Variants in TIAM2 observed in about 807,000 individuals in gnomAD.
The protein encoded by TIAM2 is rho guanine nucleotide exchange factor TIAM2.
TIAM2 carries 80 observed loss-of-function variants against 152.9 expected under a neutral mutation model. The observed-to-expected ratio is 0.52, with a 90% CI of 0.44 to 0.63. The LOEUF (loss-of-function observed/expected upper bound fraction) is 0.63. Among genes scored for constraint, TIAM2 ranks in the 30% least tolerant of loss-of-function variants. The probability of loss-of-function intolerance (pLI) is 0.00; values close to 1 mark genes in which losing one functional copy is unlikely to be tolerated. For synonymous variants in TIAM2, 804 were observed against 838.0 expected (o/e 0.96, Z 0.70); for missense variants, 1,965 against 2,120.1 (o/e 0.93, Z 1.44).
intron 7 of TIAM2, among the ~76,000 whole-genome samples, chr6:155,161,201 G>A (rs1335857590): frequency 2.2e-5 from 3 of 139,442 alleles, no homozygotes; most frequent in East Asian, 2.2e-4. Flanking sequence ...GATCTGAGCC[G>A]GGGTATCGGG....
intron 1 of TIAM2, among the ~76,000 whole-genome samples, chr6:155,057,017 C>CTTTTTTTTTTTTTTTTTTTTTTTTTTTT (rs71023612): frequency 2.3e-5 from 1 of 43,870 alleles, no homozygotes; most frequent in Non-Finnish European, 4.3e-5. Context: ...AGTTTTCTTT[C>CTTTTTTTTTTTTTTTTTTTTTTTTTTTT]TTTTTTTTTT....
chr6:155,059,323 T>C (rs910251414), intron 1 of TIAM2, among the ~76,000 whole-genome samples: 7 of 137,440 alleles, frequency 5.1e-5, no homozygotes, highest in African/African-American at 8.0e-5. Flanking sequence ...TGTGTGTGTG[T>C]GTGCGCGTGT....
intron 15 of TIAM2, among the ~76,000 whole-genome samples, chr6:155,217,300 T>A (rs557824495): frequency 6.6e-6 from 1 of 152,348 alleles, no homozygotes; most frequent in South Asian, 2.1e-4. Flanking sequence ...TAAGAGAACT[T>A]CTTTTGGATA....
At chr6:155,000,529 CAAAAA>C (rs58867200) in intron 1 of TIAM2, among the ~76,000 whole-genome samples, 3 of 97,744 alleles carry the variant, frequency 3.1e-5, no homozygotes, top group Non-Finnish European at 3.9e-5. Context: ...GAAACTGTTG[CAAAAA>C]AAAAAAAAAA....
Position 155,028,655 on chromosome 6 carries a change from TAATA to T in TIAM2, c.-209+33164_-209+33167del, listed in dbSNP as rs1562294495. On this transcript the variant is annotated intron_variant, in intron 1 of 26. Coordinates refer to ENST00000682666, the MANE Select transcript of TIAM2 (RefSeq NM_012454.4). ...TACTGTGTTATATATATACTACATA[TAATA>T]TATATACTGTGTTATATATATACTA... Among the ~76,000 whole-genome samples the T allele has an allele frequency of 2.3e-5, 3 of 132,932 alleles. 1 individual carries two copies. Among genetic ancestry groups the T allele is most frequent in the African/African-American group, 8.5e-5 (3 of 35,374 alleles). The allele number at this position is 132,932 out of a possible 152,430, so 87.2% of individuals were successfully genotyped here.
chr6:155,038,953 C>CTTTTT (rs33971396), intron 1 of TIAM2, among the ~76,000 whole-genome samples: 1 of 64,146 alleles, frequency 1.6e-5, no homozygotes, highest in Non-Finnish European at 2.7e-5. Flanking sequence ...TGAGCATGTC[C>CTTTTT]TTTTTTTTTT....
rs539238154 is a variant in TIAM2, at chr6:155,176,422, C to T, written c.2362-394C>T. On this transcript the variant is annotated intron_variant, in intron 9 of 26. Coordinates refer to ENST00000682666, the MANE Select transcript of TIAM2 (RefSeq NM_012454.4). ...CTAATTTTTGTATTTTTAGTAGAGA[C>T]GCTGTTTCACCATGTTGGCCAGGCT... Among the ~76,000 whole-genome samples the T allele has an allele frequency of 2.2e-4, 33 of 152,246 alleles. No individual in the cohort carries two copies. The East Asian group carries it at 5.4e-3, about 25-fold the overall frequency.
At chr6:155,057,541 C>CT (rs71023613) in intron 1 of TIAM2, among the ~76,000 whole-genome samples, 1,151 of 79,996 alleles carry the variant, frequency 0.014, 83 homozygotes, top group Non-Finnish European at 0.016. Context: ...CCATAATGTA[C>CT]TTTTTTTTTT....
chr6:155,059,546 C>A (rs1777530511), intron 1 of TIAM2, among the ~76,000 whole-genome samples: 1 of 152,022 alleles, frequency 6.6e-6, no homozygotes. Flanking sequence ...GAACTCCTGA[C>A]CTCAGGTGAT....
At chr6:155,230,866 C>T (rs1434165853) in intron 15 of TIAM2, among the ~76,000 whole-genome samples, 2 of 149,020 alleles carry the variant, frequency 1.3e-5, no homozygotes, top group Non-Finnish European at 3.0e-5. Context: ...TGGAGTCTCG[C>T]TCTGTCACCC....
chr6:155,104,040 ACCCCCCCCCCCACACCCC>A (rs1778613700), intron 2 of TIAM2, among the ~76,000 whole-genome samples: 1 of 57,730 alleles, frequency 1.7e-5, no homozygotes, highest in African/African-American at 7.7e-5. Context: ...ACACACACAC[ACCCCCCCCCCCACACCCC>A]CACACACCCC....
intron 14 of TIAM2, 145 bp from the exon 15 acceptor site, chr6:155,211,059 G>A (rs1781706164): frequency 1.8e-6 from 1 of 546,782 alleles, no homozygotes; most frequent in South Asian, 2.5e-5. Flanking sequence ...ATGCGTAATT[G>A]TAACCTCAGT....
intron 14 of TIAM2, among the ~76,000 whole-genome samples, chr6:155,209,038 G>A (rs369768935): frequency 1.5e-4 from 23 of 151,884 alleles, no homozygotes; most frequent in African/African-American, 4.6e-4. Flanking sequence ...TCGACATAAA[G>A]GCTTTGCTCA....
At chr6:155,025,154 G>A (rs1199005534) in intron 1 of TIAM2, among the ~76,000 whole-genome samples, 1 of 150,384 alleles carries the variant, frequency 6.6e-6, no homozygotes, top group African/African-American at 2.5e-5. Context: ...AGTCTCCTGA[G>A]TAGCTGGGAT....
chr6:155,251,968 G>T lies in TIAM2; in HGVS notation c.4084G>T (p.Val1362Phe), dbSNP rs746664519. ...AGTTTTTAAGAGAGCCGTCATACTGGTTTATAAAGAAAACTGCAAACTGAA... is the reference window on the plus strand; with the variant it reads ...AGTTTTTAAGAGAGCCGTCATACTGTTTTATAAAGAAAACTGCAAACTGAA... Reference protein sequence around the residue: ...VFVFKRAVILVYKENCKLKKK... With the variant: ...VFVFKRAVILFYKENCKLKKK... Residue 1362 changes from valine to phenylalanine, a missense_variant, in exon 23 of 27, where the codon GTT becomes TTT. Val to Phe is a conservative substitution (Grantham distance 50). Transcript: ENST00000682666. 6.2e-7 allele frequency: 1 copy of T among 1,603,658 alleles called. No homozygotes were observed. Among genetic ancestry groups the T allele is most frequent in the Middle Eastern group, 1.7e-4 (1 of 5,990 alleles).
chr6:155,236,258 G>A (rs1230948843), intron 15 of TIAM2, among the ~76,000 whole-genome samples: 1 of 151,840 alleles, frequency 6.6e-6, no homozygotes, highest in Admixed American at 6.6e-5. Context: ...GATCCCACTG[G>A]AGCCAGCACC....
chr6:155,257,331 T>G lies in TIAM2; in HGVS notation c.*210T>G, dbSNP rs1178591416. 2.1e-5 allele frequency: 12 copies of G among 579,576 alleles called. No individual in the cohort carries two copies. In the East Asian group the frequency reaches 2.8e-4, roughly 14 times the overall value. 35.9% of individuals were successfully genotyped at this position (579,576 alleles called of 1,614,324 possible). The stretch of plus-strand genomic sequence containing the variant: ...ATGAAACTGGTCAGAATCTGTAAAT[T>G]ACTTAGTTTATATCCACTTTGAGCA... On this transcript the variant is annotated 3_prime_UTR_variant, in exon 27 of 27. Transcript: ENST00000682666.
intron 1 of TIAM2, among the ~76,000 whole-genome samples, chr6:155,028,171 T>C (rs1333042115): frequency 2.4e-5 from 3 of 124,768 alleles, no homozygotes; most frequent in Non-Finnish European, 4.9e-5. Flanking sequence ...CTACATATAA[T>C]ATATGTACTG....
chr6:155,234,195 C>T (rs1782622240), intron 15 of TIAM2, among the ~76,000 whole-genome samples: 2 of 152,096 alleles, frequency 1.3e-5, no homozygotes, highest in Admixed American at 6.6e-5. Flanking sequence ...CAATCTGAGG[C>T]CCCCATTTCA....
Sources: allele counts gnomAD v4.1 joint callset (sites outside exome capture counted in the v4.1 genomes callset), GRCh38; gene constraint gnomAD v4.1.1; transcripts MANE v1.5; gene names NCBI Gene and HGNC (gene_info 2026-07-23, HGNC 2026-07-21).